PCCB: variants seen among roughly 807,000 people sequenced by gnomAD.
PCCB encodes propionyl-CoA carboxylase beta chain, mitochondrial.
Under a neutral mutation model 60.7 loss-of-function variants are expected in PCCB, and 43 were observed. The observed-to-expected ratio is 0.71, with a 90% CI of 0.55 to 0.91. The LOEUF (loss-of-function observed/expected upper bound fraction) is 0.91, where lower values mean the gene tolerates loss of function less well. Among genes scored for constraint, PCCB ranks in the 40% least tolerant of loss-of-function variants. The pLI is 0.00. For missense variants in PCCB, 766 were observed against 702.8 expected (o/e 1.09, Z -1.02); for synonymous variants, 276 against 255.9 (o/e 1.08, Z -0.75).
In PCCB at chr3:136,297,935, G is replaced by A; in HGVS notation, c.764-17G>A. ...CTGGTACCCTGACTCAATCATATAT[G>A]CTCCCTGTTCTCTTAGGTGTGGCCC... On this transcript the variant is annotated splice_polypyrimidine_tract_variant and intron_variant, in intron 7 of 14. Coordinates refer to ENST00000251654, the MANE Select transcript of PCCB (RefSeq NM_000532.5). 6.2e-7 allele frequency: 1 copy of A among 1,613,992 alleles called. No individual in the cohort carries two copies. The highest frequency in any genetic ancestry group is 8.5e-7 in the Non-Finnish European group (1 of 1,179,880).
chr3:136,285,999 T>C (rs2108185632), intron 6 of PCCB, among the ~76,000 whole-genome samples: 1 of 152,292 alleles, frequency 6.6e-6, no homozygotes, highest in South Asian at 2.1e-4. Flanking sequence ...AGAAACACCA[T>C]GCAAGAATAA....
chr3:136,264,440 G>GTGTATATATATATATATATATATATATA lies in PCCB; in HGVS notation c.543+2376_543+2377insGTATATATATATATATATATATATATAT. On this transcript the variant is annotated intron_variant, in intron 5 of 14. Coordinates refer to ENST00000251654, the MANE Select transcript of PCCB (RefSeq NM_000532.5). ...CTGTCTCTCATATATATGTGTGTGT[G>GTGTATATATATATATATATATATATATA]TATATATGTATATATATATATGTTC... 2.4e-3 allele frequency among the ~76,000 whole-genome samples: 294 copies of GTGTATATATATATATATATATATATATA among 123,688 alleles called. 28 individuals carry two copies. Among genetic ancestry groups the GTGTATATATATATATATATATATATATA allele is most frequent in the Middle Eastern group, 8.3e-3 (2 of 242 alleles). 81.1% of individuals were successfully genotyped at this position (123,688 alleles called of 152,430 possible).
chr3:136,308,975 TAAAC>T (rs1055847960), intron 9 of PCCB, among the ~76,000 whole-genome samples: 1 of 151,490 alleles, frequency 6.6e-6, no homozygotes, highest in African/African-American at 2.4e-5. Flanking sequence ...AGAAGGAAAA[TAAAC>T]AGGCCAGGTG....
chr3:136,307,478 A>C (rs1934484478), intron 9 of PCCB, among the ~76,000 whole-genome samples: 1 of 152,204 alleles, frequency 6.6e-6, no homozygotes. Context: ...TATCATTAAA[A>C]ACAAACTAGT....
chr3:136,285,532 G>A (rs1933361134), intron 6 of PCCB, among the ~76,000 whole-genome samples: 1 of 151,104 alleles, frequency 6.6e-6, no homozygotes, highest in Non-Finnish European at 1.5e-5. Context: ...ATTTAGCTTT[G>A]TCCCCTAGAC....
chr3:136,266,830 T>G (rs775130904), intron 5 of PCCB, among the ~76,000 whole-genome samples: 2 of 152,182 alleles, frequency 1.3e-5, no homozygotes, highest in Non-Finnish European at 2.9e-5. Flanking sequence ...TTTGTAAGTA[T>G]TTTCTCCCAG....
chr3:136,326,367 T>G, intron 10 of PCCB: 1 of 702,908 alleles, frequency 1.4e-6, no homozygotes, highest in South Asian at 1.5e-5. Flanking sequence ...TAGGAGGCAG[T>G]ATCGTCCCTA....
chr3:136,252,292 C>T, intron 1 of PCCB: 2 of 455,112 alleles, frequency 4.4e-6, no homozygotes, highest in Non-Finnish European at 8.8e-6. Context: ...AGAGTTCACT[C>T]TGTTGCCCAG....
intron 3 of PCCB, among the ~76,000 whole-genome samples, chr3:136,259,853 A>G (rs1254709976): frequency 6.6e-6 from 1 of 152,090 alleles, no homozygotes; most frequent in East Asian, 1.9e-4. Flanking sequence ...CTTGGATTCA[A>G]GTGATTCTCC....
chr3:136,251,368 G>C, intron 1 of PCCB: 1 of 455,306 alleles, frequency 2.2e-6, no homozygotes, highest in Non-Finnish European at 4.4e-6. Flanking sequence ...TGTGCTGAAC[G>C]AATTAACCAA....
intron 4 of PCCB, among the ~76,000 whole-genome samples, chr3:136,261,211 T>C (rs1001271015): frequency 1.8e-4 from 28 of 152,206 alleles, no homozygotes; most frequent in Non-Finnish European, 3.2e-4. Context: ...TAAAAACTAC[T>C]GCTAGAGATT....
At chr3:136,319,318 C>T (rs1043537337) in intron 10 of PCCB, among the ~76,000 whole-genome samples, 2 of 150,498 alleles carry the variant, frequency 1.3e-5, no homozygotes, top group African/African-American at 4.9e-5. Context: ...TTACATTTGA[C>T]TTACAAGTAT....
chr3:136,285,187 C>T (rs1322572441), intron 6 of PCCB, among the ~76,000 whole-genome samples: 1 of 152,024 alleles, frequency 6.6e-6, no homozygotes, highest in African/African-American at 2.4e-5. Context: ...TATATACACA[C>T]CTAGCTGGTG....
At chr3:136,284,774 A>G (rs1933299056) in intron 6 of PCCB, among the ~76,000 whole-genome samples, 1 of 152,126 alleles carries the variant, frequency 6.6e-6, no homozygotes, top group Non-Finnish European at 1.5e-5. Flanking sequence ...GTTCAACAAT[A>G]AGAGTGTCTT....
intron 10 of PCCB, among the ~76,000 whole-genome samples, chr3:136,324,803 G>C (rs1935243844): frequency 1.3e-5 from 2 of 152,200 alleles, no homozygotes; most frequent in Non-Finnish European, 2.9e-5. Flanking sequence ...GACATATGCG[G>C]AAATTTGTGA....
At chr3:136,325,244 C>T (rs1935262957) in intron 10 of PCCB, among the ~76,000 whole-genome samples, 1 of 152,068 alleles carries the variant, frequency 6.6e-6, no homozygotes, top group South Asian at 2.1e-4. Context: ...AGGCAGGTCT[C>T]AAACTCCTGG....
At chr3:136,270,568 C>T (rs999775857) in intron 5 of PCCB, among the ~76,000 whole-genome samples, 7 of 152,162 alleles carry the variant, frequency 4.6e-5, no homozygotes, top group South Asian at 2.1e-4. Flanking sequence ...TACAATGGCG[C>T]GATCTCGGCT....
intron 5 of PCCB, among the ~76,000 whole-genome samples, chr3:136,268,105 T>TATATAC (rs1553775709): frequency 7.0e-5 from 9 of 128,216 alleles, no homozygotes; most frequent in African/African-American, 9.8e-5. Context: ...TATATATATA[T>TATATAC]ATATATATAT....
chr3:136,293,974 T>C, intron 7 of PCCB, 110 bp downstream of exon 7: 2 of 725,804 alleles, frequency 2.8e-6, no homozygotes, highest in Non-Finnish European at 5.0e-6. Context: ...CAGACCTTAT[T>C]TGGGAAGACT....
Sources: allele counts gnomAD v4.1 joint callset (sites outside exome capture counted in the v4.1 genomes callset), GRCh38; gene constraint gnomAD v4.1.1; transcripts MANE v1.5; gene names NCBI Gene and HGNC (gene_info 2026-07-23, HGNC 2026-07-21).